ANKRD6: variants seen among roughly 807,000 people sequenced by gnomAD.
ANKRD6 encodes the protein ankyrin repeat domain-containing protein 6.
Under a neutral mutation model 82.3 loss-of-function variants are expected in ANKRD6, and 56 were observed. That is an observed-to-expected ratio of 0.68 (90% CI 0.55 to 0.85). The LOEUF (loss-of-function observed/expected upper bound fraction) is 0.85. ANKRD6 is among the 40% of genes least tolerant of loss of function. The pLI, the probability that ANKRD6 is intolerant of heterozygous loss-of-function variation, is 0.00. For synonymous variants in ANKRD6, 347 were observed against 352.1 expected (o/e 0.99, Z 0.16); for missense variants, 852 against 907.6 (o/e 0.94, Z 0.79).
chr6:89,476,704 A>C (rs1403775040), intron 1 of ANKRD6, among the ~76,000 whole-genome samples: 3 of 152,254 alleles, frequency 2.0e-5, no homozygotes, highest in Admixed American at 6.5e-5. Flanking sequence ...AAAGTAATAC[A>C]GTGCTTATAG....
chr6:89,463,032 A>T (rs576964450), intron 1 of ANKRD6, among the ~76,000 whole-genome samples: 96 of 151,846 alleles, frequency 6.3e-4, no homozygotes, highest in Non-Finnish European at 1.3e-3. Flanking sequence ...CTAATTTTTT[A>T]AAAAATTCTT....
chr6:89,491,212 G>A (rs2127841780), intron 1 of ANKRD6, among the ~76,000 whole-genome samples: 1 of 152,272 alleles, frequency 6.6e-6, no homozygotes. Context: ...CACATTTGTG[G>A]TAATCTGTTA....
chr6:89,579,912 GA>G (rs1342057230), intron 2 of ANKRD6, among the ~76,000 whole-genome samples: 10 of 152,106 alleles, frequency 6.6e-5, no homozygotes, highest in Non-Finnish European at 1.2e-4. Flanking sequence ...AAGTGACGTT[GA>G]AGAACAAAGT....
chr6:89,582,936 TATC>T (rs1254494423), intron 2 of ANKRD6, among the ~76,000 whole-genome samples: 1 of 152,198 alleles, frequency 6.6e-6, no homozygotes, highest in Non-Finnish European at 1.5e-5. Flanking sequence ...GAGTTGCTAT[TATC>T]ATGAAGACCA....
chr6:89,527,239 C>T (rs977349583), intron 1 of ANKRD6, among the ~76,000 whole-genome samples: 61 of 152,096 alleles, frequency 4.0e-4, no homozygotes, highest in African/African-American at 1.3e-3. Context: ...TTATATTATA[C>T]TGTAGTCCAG....
chr6:89,516,534 G>A (rs980229789), intron 1 of ANKRD6, among the ~76,000 whole-genome samples: 1 of 152,058 alleles, frequency 6.6e-6, no homozygotes, highest in Non-Finnish European at 1.5e-5. Context: ...GAGTGCAGTG[G>A]TGTGATCTCA....
At chr6:89,498,547 A>G (rs1203381179) in intron 1 of ANKRD6, among the ~76,000 whole-genome samples, 1 of 151,922 alleles carries the variant, frequency 6.6e-6, no homozygotes, top group African/African-American at 2.4e-5. Context: ...CCTTGTTTAC[A>G]TTTTGCTTTT....
intron 4 of ANKRD6, 95 bp downstream of exon 4, chr6:89,603,222 C>T (rs148647439): frequency 7.9e-6 from 8 of 1,007,878 alleles, no homozygotes; most frequent in Admixed American, 4.7e-5. Flanking sequence ...TTTGAGTCCT[C>T]GAGGTATTAT....
intron 1 of ANKRD6, among the ~76,000 whole-genome samples, chr6:89,447,760 G>A (rs1007056526): frequency 1.3e-5 from 2 of 151,984 alleles, no homozygotes; most frequent in African/African-American, 4.8e-5. Flanking sequence ...GTGATGTCGG[G>A]TCACTGCAAC....
intron 3 of ANKRD6, among the ~76,000 whole-genome samples, chr6:89,599,035 A>G (rs1243775385): frequency 6.6e-6 from 1 of 152,130 alleles, no homozygotes; most frequent in East Asian, 1.9e-4. Context: ...AGAATTAGAC[A>G]TCAATAAAAT....
intron 1 of ANKRD6, among the ~76,000 whole-genome samples, chr6:89,549,286 T>G (rs567367029): frequency 6.6e-6 from 1 of 152,164 alleles, no homozygotes; most frequent in Non-Finnish European, 1.5e-5. Flanking sequence ...CAGTAAGAGG[T>G]GATTAGGCCA....
intron 1 of ANKRD6, among the ~76,000 whole-genome samples, chr6:89,456,499 T>C (rs1186094169): frequency 6.6e-6 from 1 of 152,232 alleles, no homozygotes; most frequent in Non-Finnish European, 1.5e-5. Context: ...CTTGCCTCTG[T>C]GCGTGTGCAT....
chr6:89,601,287 A>T, intron 3 of ANKRD6, among the ~76,000 whole-genome samples: 1 of 152,144 alleles, frequency 6.6e-6, no homozygotes, highest in South Asian at 2.1e-4. Flanking sequence ...ATAGTTTAGG[A>T]TGCTGAAGGG....
chr6:89,527,622 A>AAAAAG (rs1554227727), intron 1 of ANKRD6, among the ~76,000 whole-genome samples: 1 of 145,908 alleles, frequency 6.9e-6, no homozygotes, highest in Non-Finnish European at 1.5e-5. Flanking sequence ...AAAAAAAAAA[A>AAAAAG]AAAAGAAAAA....
chr6:89,590,459 A>G (rs1794663465), intron 2 of ANKRD6, among the ~76,000 whole-genome samples: 1 of 152,190 alleles, frequency 6.6e-6, no homozygotes, highest in Non-Finnish European at 1.5e-5. Flanking sequence ...ACACACCAAT[A>G]CAGAGAAATG....
At chr6:89,474,367 A>G (rs1201827430) in intron 1 of ANKRD6, among the ~76,000 whole-genome samples, 1 of 152,228 alleles carries the variant, frequency 6.6e-6, no homozygotes, top group Non-Finnish European at 1.5e-5. Context: ...CAGAATGTAC[A>G]GTGATCCCTA....
chr6:89,497,610 T>G (rs1778783412), intron 1 of ANKRD6, among the ~76,000 whole-genome samples: 1 of 152,258 alleles, frequency 6.6e-6, no homozygotes. Flanking sequence ...GCAAGTCTTG[T>G]CTTCCTAAGT....
At chr6:89,591,487 G>A (rs557492483) in intron 2 of ANKRD6, among the ~76,000 whole-genome samples, 19 of 152,336 alleles carry the variant, frequency 1.2e-4, no homozygotes, top group African/African-American at 4.6e-4. Context: ...AAATGGAAAT[G>A]AGAGCAGTTG....
intron 1 of ANKRD6, among the ~76,000 whole-genome samples, chr6:89,548,664 T>A (rs760427486): frequency 6.6e-6 from 1 of 152,254 alleles, no homozygotes; most frequent in Non-Finnish European, 1.5e-5. Context: ...AAGGCAGTGC[T>A]GTAGAAGCCC....
Sources: gnomAD v4.1 joint callset for allele counts (sites outside exome capture counted in the v4.1 genomes callset) on GRCh38, gnomAD v4.1.1 for gene constraint, MANE v1.5 for transcripts, NCBI Gene and HGNC (gene_info 2026-07-23, HGNC 2026-07-21) for gene names.